The following NYAP2 variants were observed in gnomAD, a reference collection of about 807,000 sequenced individuals.
NYAP2 encodes the protein neuronal tyrosine-phosphorylated phosphoinositide-3-kinase adapter 2.
Under a neutral mutation model 50.4 loss-of-function variants are expected in NYAP2, and 23 were observed. That is an observed-to-expected ratio of 0.46 (90% confidence interval 0.33 to 0.65). The LOEUF (loss-of-function observed/expected upper bound fraction) is 0.65. Among genes scored for constraint, NYAP2 ranks in the 30% least tolerant of loss-of-function variants. The pLI is 0.02. For missense variants in NYAP2, 885 were observed against 861.0 expected (o/e 1.03, Z -0.35); for synonymous variants, 394 against 365.2 (o/e 1.08, Z -0.90).
chr2:225,614,813 A>G (rs1692958933), intron 5 of NYAP2, among the ~76,000 whole-genome samples: 1 of 152,234 alleles, frequency 6.6e-6, no homozygotes, highest in South Asian at 2.1e-4. Flanking sequence ...TTACATCTAG[A>G]GAATAGTCCA....
chr2:225,666,254 C>G, the NYAP2 span, among the ~76,000 whole-genome samples: 1 of 152,154 alleles, frequency 6.6e-6, no homozygotes, highest in African/African-American at 2.4e-5. Flanking sequence ...ACACCAATAA[C>G]TGACATATAT....
At chr2:225,468,979 T>C (rs537332256) in intron 3 of NYAP2, among the ~76,000 whole-genome samples, 1 of 152,002 alleles carries the variant, frequency 6.6e-6, no homozygotes, top group East Asian at 1.9e-4. Context: ...AAAAAAACAC[T>C]ACCTAATAAA....
At chr2:225,559,904 A>G (rs992745815) in intron 4 of NYAP2, among the ~76,000 whole-genome samples, 3 of 152,056 alleles carry the variant, frequency 2.0e-5, no homozygotes, top group African/African-American at 7.2e-5. Context: ...CCCAAGAACC[A>G]AATTTCATCC....
At chr2:225,498,110 C>T (rs1011125203) in intron 3 of NYAP2, among the ~76,000 whole-genome samples, 5 of 151,352 alleles carry the variant, frequency 3.3e-5, no homozygotes, top group Admixed American at 3.3e-4. Flanking sequence ...AATTTATATC[C>T]ATAAATATTT....
At chr2:225,512,862 TTC>T (rs1690854427) in intron 3 of NYAP2, among the ~76,000 whole-genome samples, 1 of 103,118 alleles carries the variant, frequency 9.7e-6, no homozygotes, top group Non-Finnish European at 2.3e-5. Context: ...TCTTCCTTCC[TTC>T]CTTCCTTCCT....
At chr2:225,560,167 A>G (rs374674776) in intron 4 of NYAP2, among the ~76,000 whole-genome samples, 1 of 152,124 alleles carries the variant, frequency 6.6e-6, no homozygotes, top group African/African-American at 2.4e-5. Context: ...TTACATATAT[A>G]TGCATAATAG....
chr2:225,698,964 T>G, the NYAP2 span: 2 of 151,914 alleles, frequency 1.3e-5, no homozygotes, highest in Non-Finnish European at 2.9e-5. Flanking sequence ...CACATTTGGT[T>G]TCTGTACAAG....
chr2:225,550,180 C>A (rs1426855751), intron 4 of NYAP2, among the ~76,000 whole-genome samples: 1 of 152,094 alleles, frequency 6.6e-6, no homozygotes, highest in Non-Finnish European at 1.5e-5. Flanking sequence ...ATATGGCGAC[C>A]AGAAAACATT....
intron 6 of NYAP2, among the ~76,000 whole-genome samples, chr2:225,635,783 G>T (rs188278122): frequency 6.6e-6 from 1 of 152,198 alleles, no homozygotes; most frequent in Non-Finnish European, 1.5e-5. Context: ...CTTAAGACTT[G>T]GTTGCTACAT....
chr2:225,472,359 A>G (rs1265330223), intron 3 of NYAP2, among the ~76,000 whole-genome samples: 2 of 152,198 alleles, frequency 1.3e-5, no homozygotes, highest in Non-Finnish European at 2.9e-5. Context: ...GAAGGGGTAG[A>G]CAGGGAAAAG....
At chr2:225,507,305 G>T (rs1180250598) in intron 3 of NYAP2, among the ~76,000 whole-genome samples, 1 of 152,174 alleles carries the variant, frequency 6.6e-6, no homozygotes, top group African/African-American at 2.4e-5. Flanking sequence ...TTTTGAAGAT[G>T]ATGTCTCACC....
intron 6 of NYAP2, among the ~76,000 whole-genome samples, chr2:225,635,526 C>T (rs990889080): frequency 6.6e-6 from 1 of 152,128 alleles, no homozygotes; most frequent in Non-Finnish European, 1.5e-5. Context: ...TGGAAAAATA[C>T]CTGTCTTTTT....
intron 4 of NYAP2, among the ~76,000 whole-genome samples, chr2:225,548,067 G>T (rs994423644): frequency 2.6e-5 from 4 of 151,882 alleles, no homozygotes; most frequent in African/African-American, 9.7e-5. Context: ...GCTAATAATA[G>T]TTCATTCTTA....
chr2:225,657,546 A>G (rs928778081), downstream of NYAP2, among the ~76,000 whole-genome samples: 1 of 151,714 alleles, frequency 6.6e-6, no homozygotes, highest in Non-Finnish European at 1.5e-5. Context: ...CCTAAGGGCA[A>G]TATGGGAAAT....
At chr2:225,698,815 T>C in the NYAP2 span, 1 of 151,974 alleles carries the variant, frequency 6.6e-6, no homozygotes, top group Non-Finnish European at 1.5e-5. Context: ...ACATTATACG[T>C]ATATAAATTA....
At chr2:225,489,349 A>C (rs888338031) in intron 3 of NYAP2, among the ~76,000 whole-genome samples, 3 of 151,918 alleles carry the variant, frequency 2.0e-5, no homozygotes, top group African/African-American at 7.3e-5. Context: ...GCCCGCCACC[A>C]TACCTCTCTA....
At chr2:225,688,615 C>T in the NYAP2 span, among the ~76,000 whole-genome samples, 2 of 152,012 alleles carry the variant, frequency 1.3e-5, no homozygotes, top group South Asian at 4.1e-4. Flanking sequence ...TTTCATTTTA[C>T]AGGTTAAAAA....
the NYAP2 span, among the ~76,000 whole-genome samples, chr2:225,696,331 C>A: frequency 2.6e-5 from 4 of 151,914 alleles, no homozygotes; most frequent in East Asian, 7.8e-4. Context: ...TTTGAACATG[C>A]CTGGCAGAGC....
chr2:225,569,956 G>A (rs2106221156), intron 4 of NYAP2, among the ~76,000 whole-genome samples: 1 of 152,276 alleles, frequency 6.6e-6, no homozygotes, highest in Admixed American at 6.5e-5. Flanking sequence ...CTTGTGTAAA[G>A]GATGGAATGG....
Sources: gnomAD v4.1 joint callset for allele counts (sites outside exome capture counted in the v4.1 genomes callset) on GRCh38, gnomAD v4.1.1 for gene constraint, MANE v1.5 for transcripts, NCBI Gene and HGNC (gene_info 2026-07-23, HGNC 2026-07-21) for gene names.